Variants in ACP1 observed in about 807,000 individuals in gnomAD.
ACP1 encodes the protein acid phosphatase 1.
ACP1 carries 23 observed loss-of-function variants against 23.4 expected under a neutral mutation model. The ratio of observed to expected loss-of-function variants is 0.98; its 90% confidence interval spans 0.71 to 1.39. The LOEUF is 1.39. Ranked by LOEUF, ACP1 falls within the 40% of genes most tolerant of loss-of-function variation. ACP1 has a pLI of 0.00. For missense variants in ACP1, 180 were observed against 197.7 expected, an observed-to-expected ratio of 0.91 and a Z score of 0.54; for synonymous variants, 72 against 67.2, an observed-to-expected ratio of 1.07 and a Z score of -0.35.
At chr2:272,282 C>T (rs1457080362) in intron 3 of ACP1, 132 bp downstream of exon 3, 2 of 1,613,710 alleles carry the variant, frequency 1.2e-6, no homozygotes, top group African/African-American at 1.3e-5. Context: ...TCATGGCATT[C>T]ACACAGCCCA....
intron 4 of ACP1, 84 bp from the exon 5 acceptor site, chr2:276,896 G>A: frequency 1.2e-6 from 1 of 802,102 alleles, no homozygotes; most frequent in Non-Finnish European, 2.0e-6. Flanking sequence ...TTTTGATATG[G>A]ATGTTTCAGA....
In ACP1 at chr2:277,848, A is replaced by C. The variant is rs775984919; in HGVS notation, c.*544A>C. Reference sequence around the variant, plus strand: ...CATAGTGCACACTTGTATATTGAAAAGATAGGGAAGAGAGAAACATTTATG... The same window carrying C: ...CATAGTGCACACTTGTATATTGAAACGATAGGGAAGAGAGAAACATTTATG... On this transcript the variant is annotated 3_prime_UTR_variant, in exon 6 of 6. Coordinates refer to ENST00000272065, the MANE Select transcript of ACP1 (RefSeq NM_004300.4). 1.3e-5 allele frequency: 2 copies of C among 153,194 alleles called. No homozygotes were observed. Among genetic ancestry groups the C allele is most frequent in the Non-Finnish European group, 2.9e-5 (2 of 68,688 alleles). The allele number at this position is 153,194 out of a possible 1,614,324, so 9.5% of individuals were successfully genotyped here.
At chr2:267,013 T>C (rs1299454032) in intron 1 of ACP1, among the ~76,000 whole-genome samples, 1 of 152,228 alleles carries the variant, frequency 6.6e-6, no homozygotes, top group Non-Finnish European at 1.5e-5. Context: ...AGCATGGATA[T>C]GCTGGACAAA....
chr2:270,191 GGC>G (rs1572195783), intron 1 of ACP1, among the ~76,000 whole-genome samples: 1 of 152,286 alleles, frequency 6.6e-6, no homozygotes, highest in East Asian at 1.9e-4. Flanking sequence ...TTCAGGTTAG[GGC>G]ACAGTGCTTG....
In ACP1 at chr2:277,266, G is replaced by T; in HGVS notation, c.439G>T (p.Val147Phe). Residue 147 changes from valine (V) to phenylalanine (F), a missense_variant, in exon 6 of 6, where the codon GTC (valine) becomes TTC (phenylalanine). Around this residue, in one of 3 missense-constraint regions of ACP1, gnomAD observed 35 missense variants for 40.5 expected, o/e 0.86. Coordinates refer to ENST00000272065, the MANE Select transcript of ACP1 (RefSeq NM_004300.4). Reference protein sequence around the residue: ...SDFETVYQQCVRCCRAFLEKA... With the variant: ...SDFETVYQQCFRCCRAFLEKA... ...CTTTGAGACGGTGTACCAGCAGTGT[G>T]TCAGGTGCTGCAGAGCGTTCTTGGA... is the stretch of plus-strand genomic sequence containing the variant. 6.2e-7 allele frequency: 1 copy of T among 1,613,426 alleles called. No individual in the cohort carries two copies. The highest frequency in any genetic ancestry group is 1.3e-5 in the African/African-American group (1 of 75,046).
intron 3 of ACP1, 102 bp downstream of exon 3, chr2:272,252 G>A: frequency 6.2e-7 from 1 of 1,614,170 alleles, no homozygotes; most frequent in Non-Finnish European, 8.5e-7. Context: ...AGACCCAAGA[G>A]CTGTGAGCTG....
chr2:266,810 A>C (rs979064721), intron 1 of ACP1, among the ~76,000 whole-genome samples: 3 of 151,656 alleles, frequency 2.0e-5, no homozygotes, highest in African/African-American at 7.3e-5. Flanking sequence ...TTTTCTTTCC[A>C]TAAGAAGTCA....
chr2:271,978 C>G (rs754709690), intron 2 of ACP1, 39 bp downstream of exon 2: 20 of 1,597,518 alleles, frequency 1.3e-5, no homozygotes, highest in Non-Finnish European at 5.1e-6. Flanking sequence ...CCAACCTGAA[C>G]TCCTCTGGGC....
At chr2:265,180 C>G (rs1268587995) in intron 1 of ACP1, 173 bp downstream of exon 1, 9 of 645,562 alleles carry the variant, frequency 1.4e-5, no homozygotes, top group Non-Finnish European at 2.0e-5. Context: ...CCATCCGCCC[C>G]GTGCACCCGC....
intron 4 of ACP1, among the ~76,000 whole-genome samples, chr2:275,957 A>AT (rs1263870995): frequency 6.6e-6 from 1 of 152,246 alleles, no homozygotes; most frequent in Non-Finnish European, 1.5e-5. Flanking sequence ...TAGGACCTTC[A>AT]TTAAAATGCA....
chr2:272,158 C>T lies in ACP1; in HGVS notation c.231+8C>T. 2.5e-6 allele frequency: 4 copies of T among 1,614,192 alleles called. No individual in the cohort carries two copies. Among genetic ancestry groups the T allele is most frequent in the Non-Finnish European group, 3.4e-6 (4 of 1,180,034 alleles). ...AGCCACGTTGCCCGGCAGGTACCGT[C>T]CTTGGACTTGAAGTTGTGTGTTTTG... On this transcript the variant is annotated splice_region_variant and intron_variant, in intron 3 of 5. Coordinates refer to ENST00000272065, the MANE Select transcript of ACP1 (RefSeq NM_004300.4).
At chr2:276,951 A>G in intron 4 of ACP1, 29 bp from the exon 5 acceptor site, 1 of 1,432,078 alleles carries the variant, frequency 7.0e-7, no homozygotes, top group Non-Finnish European at 9.7e-7. Context: ...CATAGATCAG[A>G]AAACTAAGTT....
chr2:271,312 C>T (rs1195649432), intron 1 of ACP1, among the ~76,000 whole-genome samples: 4 of 151,916 alleles, frequency 2.6e-5, no homozygotes, highest in African/African-American at 9.7e-5. Context: ...TGGAAAATAC[C>T]GTGTTGTCTG....
At position 277,607 on chromosome 2, in the gene ACP1, A is replaced by G. The variant is rs1670211963; in HGVS notation, c.*303A>G. 5.2e-6 allele frequency: 2 copies of G among 382,676 alleles called. No individual in the cohort carries two copies. Among genetic ancestry groups the G allele is most frequent in the South Asian group, 5.6e-5 (2 of 35,866 alleles). The allele number at this position is 382,676 out of a possible 1,614,324, so 23.7% of individuals were successfully genotyped here. ...CAAGCAACATAAAACAATGAAGGAA[A>G]ACCTCACTTGAAGGCCCAGGTCAAC... On this transcript the variant is annotated 3_prime_UTR_variant, in exon 6 of 6. Coordinates refer to ENST00000272065, the MANE Select transcript of ACP1 (RefSeq NM_004300.4).
rs140935600 is a variant in ACP1 at position 264,975 on chromosome 2, A to G, written c.11A>G (p.Gln4Arg). The G allele has an allele frequency of 3.3e-5, 53 of 1,612,664 alleles. No individual in the cohort carries two copies. In the African/African-American group the frequency reaches 4.5e-4, roughly 14 times the overall value. The change falls in exon 1 of 6, where the codon CAG becomes CGG. Residue 4 changes from glutamine (Q) to arginine (R), a missense_variant. Around this residue, in one of 3 missense-constraint regions of ACP1, gnomAD observed 132 missense variants for 124.1 expected, o/e 1.06. Coordinates refer to ENST00000272065, the MANE Select transcript of ACP1 (RefSeq NM_004300.4). MAE[Q>R]ATKSVLFVCL... ...TCTGCGCGCGGGAAGATGGCGGAACAGGCTACCAAGTCCGTGCTGTTTGTG... is the reference window on the plus strand; with the variant it reads ...TCTGCGCGCGGGAAGATGGCGGAACGGGCTACCAAGTCCGTGCTGTTTGTG...
intron 1 of ACP1, among the ~76,000 whole-genome samples, chr2:271,120 A>G (rs1312003255): frequency 2.6e-5 from 4 of 152,110 alleles, no homozygotes; most frequent in Admixed American, 2.6e-4. Flanking sequence ...ATCGCTCAGT[A>G]AATGTTGGTG....
Position 277,382 on chromosome 2 carries a change from C to T in ACP1, c.*78C>T, listed in dbSNP as rs1670203680. 1.5e-6 allele frequency: 2 copies of T among 1,310,652 alleles called. No homozygotes were observed. The highest frequency in any genetic ancestry group is 2.2e-6 in the Non-Finnish European group (2 of 905,012). 81.2% of individuals were successfully genotyped at this position (1,310,652 alleles called of 1,614,324 possible). Reference sequence around the variant, plus strand: ...CTGCATTTCTCAGTCGGTGTGTAATCACGTTCCAGGGCCCAAAGCCCAGCT... The same window carrying T: ...CTGCATTTCTCAGTCGGTGTGTAATTACGTTCCAGGGCCCAAAGCCCAGCT... On this transcript the variant is annotated 3_prime_UTR_variant, in exon 6 of 6. Transcript: ENST00000272065.
intron 1 of ACP1, among the ~76,000 whole-genome samples, chr2:270,561 T>C (rs763783714): frequency 2.6e-5 from 4 of 152,138 alleles, no homozygotes; most frequent in Non-Finnish European, 5.9e-5. Context: ...GCTGCTGTAG[T>C]GTATTGTTTA....
chr2:275,233 A>G, intron 4 of ACP1, 32 bp downstream of exon 4: 1 of 1,353,982 alleles, frequency 7.4e-7, no homozygotes, highest in Non-Finnish European at 1.0e-6. Context: ...ATTTCTGTTC[A>G]ACTCTCAGTT....
Sources: gnomAD v4.1 joint callset for allele counts (sites outside exome capture counted in the v4.1 genomes callset) on GRCh38, gnomAD v4.1.1 for gene constraint, gnomAD v4.1.1 regional missense constraint, MANE v1.5 for transcripts, NCBI Gene and HGNC (gene_info 2026-07-23, HGNC 2026-07-21) for gene names.